The following ULK4 variants were observed in gnomAD, a reference collection of about 807,000 sequenced individuals.
ULK4 encodes the protein inactive serine/threonine-protein kinase ULK4.
A neutral mutation model predicts 160.6 loss-of-function variants in ULK4; 133 were observed. The observed-to-expected ratio is 0.83, with a 90% CI of 0.72 to 0.96. ULK4 has a LOEUF of 0.96. Among genes scored for constraint, ULK4 ranks in the 40% least tolerant of loss-of-function variants. ULK4 has a pLI of 0.00. For missense variants in ULK4, 1,580 were observed against 1,499.5 expected, an observed-to-expected ratio of 1.05 and a Z score of -0.89; for synonymous variants, 534 against 539.8, an observed-to-expected ratio of 0.99 and a Z score of 0.15.
chr3:41,961,667 G>T (rs1044679922), intron 1 of ULK4, among the ~76,000 whole-genome samples: 2 of 151,922 alleles, frequency 1.3e-5, no homozygotes, highest in Non-Finnish European at 2.9e-5. Flanking sequence ...AGCCTAGGAA[G>T]CGCTGCAGGG....
intron 30 of ULK4, among the ~76,000 whole-genome samples, chr3:41,650,908 G>C (rs564032822): frequency 1.3e-5 from 2 of 152,288 alleles, no homozygotes; most frequent in Admixed American, 6.5e-5. Flanking sequence ...TTAACATAGA[G>C]ACAACACTAA....
intron 30 of ULK4, 121 bp downstream of exon 30, chr3:41,663,486 T>G: frequency 1.1e-6 from 1 of 877,604 alleles, no homozygotes; most frequent in Non-Finnish European, 1.8e-6. Context: ...CTTAAAAAAA[T>G]GACGATTTTG....
In ULK4 at chr3:41,296,674, A is replaced by G. The variant is rs532316782; in HGVS notation, c.3679-47100T>C. Among the ~76,000 whole-genome samples, 5 of 152,274 alleles carry G rather than the reference A, an allele frequency of 3.3e-5. No homozygotes were observed. In the South Asian group the frequency reaches 1.0e-3, roughly 32 times the overall value. On this transcript the variant is annotated intron_variant, in intron 35 of 36. Coordinates refer to ENST00000301831, the MANE Select transcript of ULK4 (RefSeq NM_017886.4). ...AGCCACACCAGGGGAAGAGCAAATG[A>G]GCAGAGGGAACTCCAGGCAGAAGCG...
intron 17 of ULK4, among the ~76,000 whole-genome samples, chr3:41,865,338 A>G (rs1411652157): frequency 7.2e-6 from 1 of 139,016 alleles, no homozygotes; most frequent in Non-Finnish European, 1.5e-5. Flanking sequence ...CCACTTGTTC[A>G]CTTCTAGTTT....
At chr3:41,837,900 G>T (rs2125656092) in intron 17 of ULK4, among the ~76,000 whole-genome samples, 1 of 152,242 alleles carries the variant, frequency 6.6e-6, no homozygotes, top group South Asian at 2.1e-4. Flanking sequence ...TCTATTGTAT[G>T]GATGTACCAA....
intron 19 of ULK4, among the ~76,000 whole-genome samples, chr3:41,804,240 T>C (rs2040563503): frequency 6.6e-6 from 1 of 152,138 alleles, no homozygotes. Flanking sequence ...TGGCCAGTGA[T>C]GGTGAGCATT....
At chr3:41,379,895 T>C (rs1241529663) in intron 35 of ULK4, among the ~76,000 whole-genome samples, 2 of 152,178 alleles carry the variant, frequency 1.3e-5, no homozygotes, top group Non-Finnish European at 2.9e-5. Context: ...ACATATTACA[T>C]AAATATTTAT....
At chr3:41,281,153 G>A (rs1200731630) in intron 35 of ULK4, among the ~76,000 whole-genome samples, 2 of 152,076 alleles carry the variant, frequency 1.3e-5, no homozygotes, top group Non-Finnish European at 2.9e-5. Flanking sequence ...CTGAAATTGA[G>A]GCAATAATAG....
chr3:41,492,716 T>C (rs570655322), intron 32 of ULK4, among the ~76,000 whole-genome samples: 2 of 151,572 alleles, frequency 1.3e-5, no homozygotes, highest in Admixed American at 6.6e-5. Context: ...AGGCTCAAAA[T>C]AAAAGGATGG....
intron 25 of ULK4, among the ~76,000 whole-genome samples, chr3:41,707,017 A>G (rs909531980): frequency 4.6e-5 from 7 of 151,890 alleles, no homozygotes; most frequent in African/African-American, 1.7e-4. Flanking sequence ...AGACATTTCC[A>G]ATTGGTTGTA....
At chr3:41,685,498 C>T (rs1173031205) in intron 27 of ULK4, among the ~76,000 whole-genome samples, 1 of 152,148 alleles carries the variant, frequency 6.6e-6, no homozygotes, top group African/African-American at 2.4e-5. Context: ...TTAACCATGC[C>T]TTTTACTTAA....
chr3:41,353,538 C>T (rs574792240), intron 35 of ULK4, among the ~76,000 whole-genome samples: 1 of 152,020 alleles, frequency 6.6e-6, no homozygotes, highest in South Asian at 2.1e-4. Flanking sequence ...TGTGGTAGCT[C>T]ATGACTGTAG....
chr3:41,904,163 T>G (rs1252693191), intron 12 of ULK4, among the ~76,000 whole-genome samples: 4 of 152,176 alleles, frequency 2.6e-5, no homozygotes, highest in African/African-American at 4.8e-5. Flanking sequence ...CCAAGCACAG[T>G]GGCTCACACC....
chr3:41,717,952 G>A, intron 22 of ULK4, 91 bp from the exon 23 acceptor site: 1 of 1,460,560 alleles, frequency 6.8e-7, no homozygotes, highest in Non-Finnish European at 9.4e-7. Flanking sequence ...TGTTTCCAGA[G>A]GGCACCCTCC....
chr3:41,907,172 A>C (rs1052982900), intron 12 of ULK4, among the ~76,000 whole-genome samples: 11 of 152,194 alleles, frequency 7.2e-5, no homozygotes, highest in South Asian at 2.1e-4. Context: ...CTGGAGAAAC[A>C]TGGGGTGGCG....
At chr3:41,712,915 C>G (rs1351390286) in intron 25 of ULK4, among the ~76,000 whole-genome samples, 1 of 150,898 alleles carries the variant, frequency 6.6e-6, no homozygotes, top group African/African-American at 2.4e-5. Flanking sequence ...AGCAAAAAAA[C>G]AAGCAAAAAA....
At chr3:41,593,404 GCACACA>G (rs34968650) in intron 31 of ULK4, among the ~76,000 whole-genome samples, 1 of 150,850 alleles carries the variant, frequency 6.6e-6, no homozygotes, top group Non-Finnish European at 1.5e-5. Context: ...ACACATGCAT[GCACACA>G]CACACACACA....
At chr3:41,681,455 G>C in intron 29 of ULK4, 53 bp downstream of exon 29, 1 of 1,602,076 alleles carries the variant, frequency 6.2e-7, no homozygotes, top group Admixed American at 1.7e-5. Context: ...TTTGACAGAA[G>C]CTTCCTGGAT....
At chr3:41,833,518 G>C (rs1210272341) in intron 18 of ULK4, among the ~76,000 whole-genome samples, 1 of 151,900 alleles carries the variant, frequency 6.6e-6, no homozygotes, top group African/African-American at 2.4e-5. Context: ...GGATGGTTTT[G>C]ATCTCCTGAC....
Sources: gnomAD v4.1 joint callset for allele counts (sites outside exome capture counted in the v4.1 genomes callset) on GRCh38, gnomAD v4.1.1 for gene constraint, MANE v1.5 for transcripts, NCBI Gene and HGNC (gene_info 2026-07-23, HGNC 2026-07-21) for gene names.